Variants in PLCL2 observed in about 807,000 individuals in gnomAD.
PLCL2 encodes phospholipase C like 2, also known as inactive phospholipase C-like protein 2.
In PLCL2, 4 loss-of-function variants were observed where a neutral mutation model predicts 79.6. The observed-to-expected ratio is 0.05, with a 90% confidence interval of 0.02 to 0.11. The LOEUF (loss-of-function observed/expected upper bound fraction) is 0.11. Ranked by LOEUF, PLCL2 falls within the 10% of genes least tolerant of loss-of-function variation. The probability of loss-of-function intolerance (pLI) is 1.00; values close to 1 mark genes in which losing one functional copy is unlikely to be tolerated. For synonymous variants in PLCL2, 484 were observed against 457.7 expected (o/e 1.06, Z -0.73); for missense variants, 895 against 1,291.0 (o/e 0.69, Z 4.70).
At chr3:17,064,000 A>C (rs2124940366) in intron 4 of PLCL2, among the ~76,000 whole-genome samples, 1 of 152,372 alleles carries the variant, frequency 6.6e-6, no homozygotes, top group African/African-American at 2.4e-5. Flanking sequence ...TAGACAGAAT[A>C]GTATGACTTA....
At chr3:16,907,618 G>C (rs1181553994) in intron 1 of PLCL2, among the ~76,000 whole-genome samples, 1 of 152,098 alleles carries the variant, frequency 6.6e-6, no homozygotes, top group African/African-American at 2.4e-5. Context: ...GAGTCAGACT[G>C]GGGGGTCACC....
chr3:16,894,434 A>C (rs1158165139), intron 1 of PLCL2, among the ~76,000 whole-genome samples: 3 of 152,212 alleles, frequency 2.0e-5, no homozygotes, highest in Admixed American at 2.0e-4. Context: ...AATTTTCTAT[A>C]CATTAAAAAT....
intron 1 of PLCL2, among the ~76,000 whole-genome samples, chr3:16,996,692 G>A (rs1353248232): frequency 6.6e-6 from 1 of 151,626 alleles, no homozygotes; most frequent in East Asian, 1.9e-4. Context: ...CACAGAGGAT[G>A]CTGTTATCAA....
At chr3:16,915,852 G>A (rs1696981919) in intron 1 of PLCL2, among the ~76,000 whole-genome samples, 1 of 152,154 alleles carries the variant, frequency 6.6e-6, no homozygotes, top group Non-Finnish European at 1.5e-5. Context: ...GAAGTAGAAG[G>A]AAAGGATAGA....
intron 4 of PLCL2, among the ~76,000 whole-genome samples, chr3:17,059,910 G>A (rs1431068365): frequency 1.3e-5 from 2 of 152,214 alleles, no homozygotes; most frequent in African/African-American, 2.4e-5. Flanking sequence ...CTGCAGTCAC[G>A]AGGGCCTTGT....
At chr3:16,941,849 G>GT (rs1179524863) in intron 1 of PLCL2, among the ~76,000 whole-genome samples, 2 of 150,140 alleles carry the variant, frequency 1.3e-5, no homozygotes, top group Non-Finnish European at 3.0e-5. Flanking sequence ...TGTGGTATAA[G>GT]TTTTTTTCAA....
intron 1 of PLCL2, among the ~76,000 whole-genome samples, chr3:16,958,370 G>C (rs185248941): frequency 2.0e-5 from 3 of 152,264 alleles, no homozygotes; most frequent in Non-Finnish European, 4.4e-5. Context: ...CCCACCATTT[G>C]CATGTTTCCT....
intron 1 of PLCL2, among the ~76,000 whole-genome samples, chr3:17,008,730 C>G (rs1306441067): frequency 6.6e-6 from 1 of 152,160 alleles, no homozygotes; most frequent in Non-Finnish European, 1.5e-5. Context: ...CTGGGCTTCA[C>G]TTAGCTCCTC....
Position 17,010,103 on chromosome 3 carries a change from G to A in PLCL2, c.757G>A (p.Gly253Arg). ...AGGACTGCGGTACCTAATTTCTTAT[G>A]GAAAACATACACTTGATATGTTAGA... is the stretch of plus-strand genomic sequence containing the variant. ...VTGLRYLISYGKHTLDMLESS... is the reference protein window; with the variant it reads ...VTGLRYLISYRKHTLDMLESS... The change falls in exon 2 of 6, where the codon GGA (glycine) becomes AGA (arginine). Residue 253 changes from glycine to arginine, a missense_variant. By Grantham distance (125) the Gly-to-Arg change is moderately radical. This residue lies in a region of PLCL2 where 129 missense variants were observed against 208.8 expected (regional missense o/e 0.62). Transcript: ENST00000615277. The surrounding 1 kb of genome is among the most constrained non-coding windows in gnomAD (Gnocchi z 5.8). 1.2e-6 allele frequency: 2 copies of A among 1,614,028 alleles called. No individual in the cohort carries two copies. The highest frequency in any genetic ancestry group is 1.7e-6 in the Non-Finnish European group (2 of 1,179,974).
intron 1 of PLCL2, among the ~76,000 whole-genome samples, chr3:16,894,683 G>C (rs1696431555): frequency 6.6e-6 from 1 of 152,098 alleles, no homozygotes; most frequent in Admixed American, 6.5e-5. Flanking sequence ...CTTTTTGGCT[G>C]AATTTCTCTC....
At position 16,900,697 on chromosome 3, in the gene PLCL2, C is replaced by T. The variant is rs182929265; in HGVS notation, c.327+15331C>T. On this transcript the variant is annotated intron_variant, in intron 1 of 5. Transcript: ENST00000615277. ...CCACCTTTAACATCAGCTTAGTGGG[C>T]TCTCACAATGCTCCCGTTCGGTGGA... Among the ~76,000 whole-genome samples the T allele has an allele frequency of 4.3e-3, 651 of 152,262 alleles. 4 individuals carry two copies. Among genetic ancestry groups the T allele is most frequent in the Non-Finnish European group, 5.9e-3 (403 of 68,028 alleles).
At chr3:16,994,689 A>G (rs867730620) in intron 1 of PLCL2, among the ~76,000 whole-genome samples, 5 of 152,196 alleles carry the variant, frequency 3.3e-5, no homozygotes, top group Middle Eastern at 3.2e-3. Context: ...TGGTGATCCT[A>G]CAAGTGGTGC....
chr3:17,010,155 C>T lies in PLCL2; in HGVS notation c.809C>T (p.Ser270Phe), dbSNP rs745358993. The change falls in exon 2 of 6, where the codon TCT (serine) becomes TTT (phenylalanine). Residue 270 changes from serine (S) to phenylalanine (F), a missense_variant. Coordinates refer to ENST00000615277, the MANE Select transcript of PLCL2 (RefSeq NM_001144382.2). This position sits in a 1 kb window ranked among gnomAD's most constrained non-coding sequence, Gnocchi z 5.8. ...AGTAGCCAAGATAACATGAGGACTTCTTGGGTTTCACAAATGTTTAGTGAA... is the reference window on the plus strand; with the variant it reads ...AGTAGCCAAGATAACATGAGGACTTTTTGGGTTTCACAAATGTTTAGTGAA... The part of the protein sequence containing the change: ...LESSQDNMRT[S>F]WVSQMFSEID... The T allele has an allele frequency of 5.6e-6, 9 of 1,613,984 alleles. No individual in the cohort carries two copies. The South Asian group carries it at 8.8e-5, about 16-fold the overall frequency.
rs555637179 is a variant in PLCL2, at chr3:17,070,110, A to G, written c.3204+2045A>G. 1.2e-3 allele frequency among the ~76,000 whole-genome samples: 176 copies of G among 152,326 alleles called. 1 individual carries two copies. Among genetic ancestry groups the G allele is most frequent in the Non-Finnish European group, 1.8e-3 (125 of 68,028 alleles). On this transcript the variant is annotated intron_variant, in intron 5 of 5. Coordinates refer to ENST00000615277, the MANE Select transcript of PLCL2 (RefSeq NM_001144382.2). The stretch of plus-strand genomic sequence containing the variant: ...ATAGGGACCAAACTTTGGCTTGTCA[A>G]GTACCCTTCCTACTCATGTGTGGTC...
chr3:16,996,797 G>A (rs1013033601), intron 1 of PLCL2, among the ~76,000 whole-genome samples: 4 of 151,996 alleles, frequency 2.6e-5, no homozygotes, highest in Non-Finnish European at 5.9e-5. Flanking sequence ...AACATTGACT[G>A]GTATTGCTAT....
chr3:17,040,928 T>A (rs991365835), intron 3 of PLCL2, among the ~76,000 whole-genome samples: 2 of 152,162 alleles, frequency 1.3e-5, no homozygotes, highest in Non-Finnish European at 2.9e-5. Flanking sequence ...GATCATATTT[T>A]TTTTTCCTTC....
At chr3:16,936,484 G>T (rs962467873) in intron 1 of PLCL2, among the ~76,000 whole-genome samples, 9 of 151,958 alleles carry the variant, frequency 5.9e-5, no homozygotes, top group Non-Finnish European at 1.3e-4. Context: ...AAACTCTGTG[G>T]TTTGTCTGTT....
At position 17,086,113 on chromosome 3, in the gene PLCL2, C is replaced by G. The variant is rs575198109; in HGVS notation, c.3205-3620C>G. ...CGATTCCAAAGTTTAAAGAGAGAAA[C>G]AAAAGACCCAGAATAGCCAACACAA... On this transcript the variant is annotated intron_variant, in intron 5 of 5. Coordinates refer to ENST00000615277, the MANE Select transcript of PLCL2 (RefSeq NM_001144382.2). Among the ~76,000 whole-genome samples, 3 of 152,128 alleles carry G rather than the reference C, an allele frequency of 2.0e-5. No individual in the cohort carries two copies. In the South Asian group the frequency reaches 6.2e-4, roughly 32 times the overall value.
At chr3:17,028,996 G>T (rs1388736715) in intron 3 of PLCL2, among the ~76,000 whole-genome samples, 1 of 152,142 alleles carries the variant, frequency 6.6e-6, no homozygotes, top group East Asian at 1.9e-4. Context: ...CCCCGAACTT[G>T]ATTTTTATTT....
Sources: allele counts gnomAD v4.1 joint callset (sites outside exome capture counted in the v4.1 genomes callset), GRCh38; gene constraint gnomAD v4.1.1; regional missense constraint gnomAD v4.1.1; non-coding constraint Gnocchi (gnomAD v3.1); transcripts MANE v1.5; gene names NCBI Gene and HGNC (gene_info 2026-07-23, HGNC 2026-07-21).